XPR1: variants seen among roughly 807,000 people sequenced by gnomAD.
XPR1 encodes the protein solute carrier family 53 member 1.
Under a neutral mutation model 87.5 loss-of-function variants are expected in XPR1, and 28 were observed. That is an observed-to-expected ratio of 0.32 (90% CI 0.24 to 0.44). XPR1 has a LOEUF of 0.44. XPR1 is among the 20% of genes least tolerant of loss of function. The probability of loss-of-function intolerance (pLI) is 1.00; values close to 1 mark genes in which losing one functional copy is unlikely to be tolerated. For missense variants in XPR1, 559 were observed against 862.3 expected (o/e 0.65, Z 4.41); for synonymous variants, 300 against 306.1 (o/e 0.98, Z 0.21).
intron 1 of XPR1, among the ~76,000 whole-genome samples, chr1:180,638,351 T>G (rs1406303116): frequency 6.6e-6 from 1 of 152,324 alleles, no homozygotes; most frequent in African/African-American, 2.4e-5. Flanking sequence ...TTTGACATAA[T>G]AAAAGTTTGG....
chr1:180,782,088 T>C (rs1003742536), intron 2 of XPR1, among the ~76,000 whole-genome samples: 1 of 152,044 alleles, frequency 6.6e-6, no homozygotes, highest in South Asian at 2.1e-4. Context: ...TTTATTTAAC[T>C]CAGAGCAAAG....
At chr1:180,811,127 C>T (rs558061271) in intron 6 of XPR1, among the ~76,000 whole-genome samples, 19 of 151,980 alleles carry the variant, frequency 1.3e-4, no homozygotes, top group African/African-American at 3.6e-4. Context: ...GTTGATTCCT[C>T]GAGTGTAGAA....
chr1:180,672,108 T>C (rs1291302374), intron 1 of XPR1, among the ~76,000 whole-genome samples: 1 of 152,204 alleles, frequency 6.6e-6, no homozygotes, highest in Non-Finnish European at 1.5e-5. Context: ...TCAATAGATG[T>C]CAGAGAATAT....
chr1:180,694,770 T>TGC (rs1424847158), intron 2 of XPR1, among the ~76,000 whole-genome samples: 4 of 97,126 alleles, frequency 4.1e-5, no homozygotes, highest in Admixed American at 9.8e-5. Context: ...CTGATTGTTG[T>TGC]GTGCACACAC....
intron 3 of XPR1, among the ~76,000 whole-genome samples, chr1:180,797,885 A>G (rs1018655309): frequency 5.3e-5 from 8 of 152,224 alleles, no homozygotes; most frequent in African/African-American, 1.9e-4. Flanking sequence ...AATATTACTG[A>G]AACGCTAAGG....
chr1:180,720,830 TCTA>T (rs1185879020), intron 2 of XPR1, among the ~76,000 whole-genome samples: 1 of 152,232 alleles, frequency 6.6e-6, no homozygotes, highest in Non-Finnish European at 1.5e-5. Flanking sequence ...GTGTATGCTT[TCTA>T]TTCAAGAGTT....
chr1:180,863,766 C>G lies in XPR1; in HGVS notation c.1560C>G (p.Ile520Met). The G allele has an allele frequency of 6.2e-7, 1 of 1,609,618 alleles. No individual in the cohort carries two copies. Among genetic ancestry groups the G allele is most frequent in the Non-Finnish European group, 8.5e-7 (1 of 1,178,082 alleles). ...ACCTGTGGATTGTCTTTTATATCAT[C>G]AGTTCCTGCTATACCCTCATCTGGG... ...FFYLWIVFYIISSCYTLIWDL... is the reference protein window; with the variant it reads ...FFYLWIVFYIMSSCYTLIWDL... Residue 520 changes from isoleucine to methionine, a missense_variant, in exon 12 of 15, where the codon ATC (isoleucine) becomes ATG (methionine). By Grantham distance (10) the Ile-to-Met change is conservative. Transcript: ENST00000367590.
chr1:180,729,939 G>T (rs1348045702), intron 2 of XPR1, among the ~76,000 whole-genome samples: 1 of 152,052 alleles, frequency 6.6e-6, no homozygotes, highest in African/African-American at 2.4e-5. Flanking sequence ...ATTGCTTTTG[G>T]CACCTTCAGC....
chr1:180,688,974 G>T (rs1188903293), intron 2 of XPR1, among the ~76,000 whole-genome samples: 1 of 151,952 alleles, frequency 6.6e-6, no homozygotes, highest in Non-Finnish European at 1.5e-5. Flanking sequence ...TGAATTAATT[G>T]CAAGGAAAGC....
intron 9 of XPR1, among the ~76,000 whole-genome samples, chr1:180,831,362 C>CTTTTTCTTTTTTTT (rs1553252332): frequency 2.6e-5 from 3 of 115,470 alleles, no homozygotes; most frequent in African/African-American, 6.3e-5. Flanking sequence ...TTTTCTTTTT[C>CTTTTTCTTTTTTTT]TTTTTTTTTT....
intron 1 of XPR1, among the ~76,000 whole-genome samples, chr1:180,665,411 C>G (rs1655924033): frequency 6.6e-6 from 1 of 152,272 alleles, no homozygotes; most frequent in African/African-American, 2.4e-5. Flanking sequence ...GGCCTGGTTC[C>G]TAACAGGCCA....
At chr1:180,839,789 G>A (rs1345583060) in intron 11 of XPR1, among the ~76,000 whole-genome samples, 1 of 152,144 alleles carries the variant, frequency 6.6e-6, no homozygotes. Flanking sequence ...ACAAAAGTAG[G>A]GGATTGGGCT....
At position 180,691,210 on chromosome 1, in the gene XPR1, A is replaced by G. The variant is rs556634548; in HGVS notation, c.121+8799A>G. 5.3e-5 allele frequency among the ~76,000 whole-genome samples: 8 copies of G among 152,286 alleles called. No individual in the cohort carries two copies. The East Asian group carries it at 1.5e-3, about 29-fold the overall frequency. ...TATTGAGAGACTATGTATTTTGTCA[A>G]AACACCAATTAAACCGTTTCTTTTT... On this transcript the variant is annotated intron_variant, in intron 2 of 14. Coordinates refer to ENST00000367590, the MANE Select transcript of XPR1 (RefSeq NM_004736.4).
chr1:180,708,995 T>TC (rs1245643101), intron 2 of XPR1, among the ~76,000 whole-genome samples: 1 of 135,084 alleles, frequency 7.4e-6, no homozygotes, highest in Non-Finnish European at 1.5e-5. Context: ...CACTGTAACC[T>TC]CCATCTCCCA....
At chr1:180,694,765 T>G (rs958073758) in intron 2 of XPR1, among the ~76,000 whole-genome samples, 10 of 119,804 alleles carry the variant, frequency 8.3e-5, no homozygotes, top group African/African-American at 3.7e-4. Flanking sequence ...GACTCCTGAT[T>G]GTTGTGTGCA....
At chr1:180,727,025 C>A (rs553879703) in intron 2 of XPR1, among the ~76,000 whole-genome samples, 1 of 152,172 alleles carries the variant, frequency 6.6e-6, no homozygotes, top group East Asian at 1.9e-4. Context: ...CAGGCGCCCA[C>A]CACTGCGCCC....
chr1:180,807,841 C>G lies in XPR1; in HGVS notation c.681+1284C>G, dbSNP rs548645866. Among the ~76,000 whole-genome samples the G allele has an allele frequency of 2.2e-4, 34 of 152,162 alleles. No homozygotes were observed. In the East Asian group the frequency reaches 5.8e-3, roughly 26 times the overall value. ...CCAACATGATGAAACCCCATCTCGA[C>G]TAAAATACAAAAATTAGCTGGGCTT... is the stretch of plus-strand genomic sequence containing the variant. On this transcript the variant is annotated intron_variant, in intron 6 of 14. Transcript: ENST00000367590.
chr1:180,805,033 A>G (rs1476686857), intron 4 of XPR1, among the ~76,000 whole-genome samples: 1 of 152,204 alleles, frequency 6.6e-6, no homozygotes, highest in African/African-American at 2.4e-5. Flanking sequence ...AACAAAAGTA[A>G]TAATTAATTA....
rs553615627 is a variant in XPR1, at chr1:180,761,804, A to C, written c.122-25949A>C. ...CCAAAGGATTATAAATCATGCTGCT[A>C]TAAAGACACATGCACACGTATGTTT... On this transcript the variant is annotated intron_variant, in intron 2 of 14. Coordinates refer to ENST00000367590, the MANE Select transcript of XPR1 (RefSeq NM_004736.4). 1.8e-4 allele frequency among the ~76,000 whole-genome samples: 27 copies of C among 152,302 alleles called. No individual in the cohort carries two copies. In the East Asian group the frequency reaches 1.9e-3, roughly 11 times the overall value.
Sources: allele counts gnomAD v4.1 joint callset (sites outside exome capture counted in the v4.1 genomes callset), GRCh38; gene constraint gnomAD v4.1.1; transcripts MANE v1.5; gene names NCBI Gene and HGNC (gene_info 2026-07-23, HGNC 2026-07-21).